Variants in JPH3 observed in about 807,000 individuals in gnomAD.
JPH3 encodes junctophilin 3, also known as junctophilin-3.
Under a neutral mutation model 59.6 loss-of-function variants are expected in JPH3, and 11 were observed. The ratio of observed to expected loss-of-function variants is 0.18; its 90% CI spans 0.12 to 0.31. The LOEUF is 0.31. Among genes scored for constraint, JPH3 ranks in the 10% least tolerant of loss-of-function variants. The probability of loss-of-function intolerance (pLI) is 1.00; values close to 1 mark genes in which losing one functional copy is unlikely to be tolerated. For synonymous variants in JPH3, 673 were observed against 483.6 expected (o/e 1.39, Z -5.14); for missense variants, 1,202 against 1,105.7 (o/e 1.09, Z -1.24).
At chr16:87,622,674 G>C (rs1567585878) in intron 1 of JPH3, among the ~76,000 whole-genome samples, 1 of 149,138 alleles carries the variant, frequency 6.7e-6, no homozygotes, top group African/African-American at 2.4e-5. Flanking sequence ...TGCAGGAGGA[G>C]CTGAGGGTGC....
At chr16:87,656,614 G>A (rs567631798) in intron 2 of JPH3, among the ~76,000 whole-genome samples, 4 of 152,304 alleles carry the variant, frequency 2.6e-5, no homozygotes, top group South Asian at 4.1e-4. Flanking sequence ...GGGAACATTC[G>A]AGGCCCTGGC....
chr16:87,645,033 C>T lies in JPH3; in HGVS notation c.1158C>T (p.Ser386=). ...IAKQKAEIAA[S]RTSHSRAKAE... ...AGCAGAAGGCTGAGATCGCGGCTTC[C>T]AGGTAGGAGGGCGAGGGGGCGGGGG... The change falls in exon 2 of 5, where the codon TCC becomes TCT. Residue 386 remains serine, a splice_region_variant and synonymous_variant. Transcript: ENST00000284262. 6.2e-7 allele frequency: 1 copy of T among 1,600,704 alleles called. No homozygotes were observed.
chr16:87,666,381 G>A (rs915392945), intron 2 of JPH3, among the ~76,000 whole-genome samples: 4 of 143,782 alleles, frequency 2.8e-5, no homozygotes, highest in South Asian at 2.4e-4. Flanking sequence ...GAGCCACCGC[G>A]CCTGGCCTAT....
In JPH3 at chr16:87,698,032, C is replaced by A. The variant is rs1177530675; in HGVS notation, c.*1372C>A. The A allele has an allele frequency of 1.3e-5, 2 of 152,656 alleles. No homozygotes were observed. Among genetic ancestry groups the A allele is most frequent in the Non-Finnish European group, 2.9e-5 (2 of 68,056 alleles). 9.5% of individuals were successfully genotyped at this position (152,656 alleles called of 1,614,324 possible). ...GGGCCAGCCCGTCTTATGGACTCTG[C>A]CTTGCTTTGCTTATGTTTAGCTGTT... is the stretch of plus-strand genomic sequence containing the variant. On this transcript the variant is annotated 3_prime_UTR_variant, in exon 5 of 5. Coordinates refer to ENST00000284262, the MANE Select transcript of JPH3 (RefSeq NM_020655.4).
At chr16:87,674,070 C>G in intron 2 of JPH3, among the ~76,000 whole-genome samples, 1 of 149,786 alleles carries the variant, frequency 6.7e-6, no homozygotes, top group Admixed American at 6.7e-5. Context: ...CGCAGTGGCT[C>G]ACGCCTGTAA....
chr16:87,659,374 C>CAAAAAAAAAAAAA lies in JPH3; in HGVS notation c.1160+14351_1160+14352insAAAAAAAAAAAAA, dbSNP rs1354448370. Among the ~76,000 whole-genome samples, 63 of 74,522 alleles carry CAAAAAAAAAAAAA rather than the reference C, an allele frequency of 8.5e-4. 3 individuals carry two copies. Among genetic ancestry groups the CAAAAAAAAAAAAA allele is most frequent in the African/African-American group, 2.4e-3 (38 of 16,132 alleles). 48.9% of individuals were successfully genotyped at this position (74,522 alleles called of 152,430 possible). On this transcript the variant is annotated intron_variant, in intron 2 of 4. Coordinates refer to ENST00000284262, the MANE Select transcript of JPH3 (RefSeq NM_020655.4). ...CCTGGGTGACAGAGTAAGACTGTCT[C>CAAAAAAAAAAAAA]AAAAAAAAAAAAGAAAAAAAAAAAG... is the stretch of plus-strand genomic sequence containing the variant.
intron 2 of JPH3, among the ~76,000 whole-genome samples, chr16:87,661,502 T>TG (rs1597272374): frequency 6.6e-6 from 1 of 152,158 alleles, no homozygotes; most frequent in African/African-American, 2.4e-5. Flanking sequence ...GGCTGGACTT[T>TG]GGGGGTCCAG....
rs560094829 is a variant in JPH3 at position 87,681,990 on chromosome 16, C to T, written c.1161-2152C>T. Among the ~76,000 whole-genome samples the T allele has an allele frequency of 4.6e-5, 7 of 152,176 alleles. 1 individual carries two copies. The highest frequency in any genetic ancestry group is 1.7e-4 in the African/African-American group (7 of 41,520). Reference sequence around the variant, plus strand: ...AAAGCTGTGGACCCTCTGCTTGTGGCGGGGGGTCATGCAGAAAACTTTGAG... The same window carrying T: ...AAAGCTGTGGACCCTCTGCTTGTGGTGGGGGGTCATGCAGAAAACTTTGAG... On this transcript the variant is annotated intron_variant, in intron 2 of 4. Transcript: ENST00000284262.
intron 2 of JPH3, among the ~76,000 whole-genome samples, chr16:87,677,185 T>TATATATAC (rs1491266129): frequency 3.2e-5 from 3 of 95,158 alleles, no homozygotes; most frequent in African/African-American, 1.4e-4. Context: ...TATATATATA[T>TATATATAC]ACACACACAC....
chr16:87,684,047 C>T (rs557067294), intron 2 of JPH3, 95 bp from the exon 3 acceptor site: 5 of 854,960 alleles, frequency 5.8e-6, no homozygotes, highest in Non-Finnish European at 7.6e-6. Flanking sequence ...TGTCTTAGCC[C>T]AGCCCGTTGT....
At chr16:87,638,082 G>A (rs2031817103) in intron 1 of JPH3, among the ~76,000 whole-genome samples, 1 of 152,070 alleles carries the variant, frequency 6.6e-6, no homozygotes, top group African/African-American at 2.4e-5. Context: ...ACCATGCCCT[G>A]CTAATTTTTA....
Position 87,697,042 on chromosome 16 carries a change from C to G in JPH3, c.*382C>G, listed in dbSNP as rs541416282. On this transcript the variant is annotated 3_prime_UTR_variant, in exon 5 of 5. Coordinates refer to ENST00000284262, the MANE Select transcript of JPH3 (RefSeq NM_020655.4). ...AGGGCAGCCCGGGGCAGAGCCTCAG[C>G]CCCGCGGCCCCTGAGTGGCAGGGCT... The G allele has an allele frequency of 1.7e-4, 48 of 279,796 alleles. No homozygotes were observed. In the East Asian group the frequency reaches 4.0e-3, roughly 24 times the overall value. The allele number at this position is 279,796 out of a possible 1,614,324, so 17.3% of individuals were successfully genotyped here.
At chr16:87,659,783 A>G (rs2050793247) in intron 2 of JPH3, among the ~76,000 whole-genome samples, 1 of 152,130 alleles carries the variant, frequency 6.6e-6, no homozygotes. Context: ...CGTAAGTGGC[A>G]TTAAGCATGT....
chr16:87,643,645 G>A (rs558188863), intron 1 of JPH3, among the ~76,000 whole-genome samples: 4 of 152,278 alleles, frequency 2.6e-5, no homozygotes, highest in South Asian at 2.1e-4. Context: ...CAGGGGCTCC[G>A]TATTCACTCT....
rs765608904 is a variant in JPH3, at chr16:87,644,619, G to A, written c.744G>A (p.Ala248=). The change falls in exon 2 of 5, where the codon GCG becomes GCA. Residue 248 remains alanine, a synonymous_variant. Transcript: ENST00000284262. Reference sequence around the variant, plus strand: ...AGCAGAGCTCCTTTCGCAGCGAGGCGGGCATGAGCACCGTCAGCTCCACGG... The same window carrying A: ...AGCAGAGCTCCTTTCGCAGCGAGGCAGGCATGAGCACCGTCAGCTCCACGG... ...RSKQSSFRSE[A]GMSTVSSTAS... is the part of the protein sequence containing the mutation. The A allele has an allele frequency of 1.4e-5, 22 of 1,612,394 alleles. No individual in the cohort carries two copies. The highest frequency in any genetic ancestry group is 4.4e-5 in the South Asian group (4 of 91,082).
At chr16:87,653,980 G>C (rs2032409835) in intron 2 of JPH3, 1 of 152,260 alleles carries the variant, frequency 6.6e-6, no homozygotes, top group African/African-American at 2.4e-5. Context: ...CAGAATGGCA[G>C]AGTGGCAGTC....
In JPH3 at chr16:87,602,577, A is replaced by C. The variant is rs1304698145; in HGVS notation, c.-570A>C. The stretch of plus-strand genomic sequence containing the variant: ...CCGCCGCCGCCGCCCGAGCCGCCGC[A>C]TTGCTGCTGCTGCTGCCGCCGCCGC... On this transcript the variant is annotated 5_prime_UTR_variant, in exon 1 of 5. Transcript: ENST00000284262. Among the ~76,000 whole-genome samples the C allele has an allele frequency of 1.5e-5, 2 of 132,570 alleles. No homozygotes were observed. The highest frequency in any genetic ancestry group is 3.3e-5 in the Non-Finnish European group (2 of 61,126). The allele number at this position is 132,570 out of a possible 152,430, so 87.0% of individuals were successfully genotyped here.
chr16:87,661,996 A>G (rs2032719636), intron 2 of JPH3, among the ~76,000 whole-genome samples: 1 of 152,186 alleles, frequency 6.6e-6, no homozygotes. Context: ...TTAGTATGTT[A>G]ATTCAGGCGG....
chr16:87,622,111 C>G (rs1339979203), intron 1 of JPH3, among the ~76,000 whole-genome samples: 2 of 152,100 alleles, frequency 1.3e-5, no homozygotes, highest in African/African-American at 4.8e-5. Context: ...GGGGGGGGCC[C>G]CTTTGGGGTG....
Sources: allele counts gnomAD v4.1 joint callset (sites outside exome capture counted in the v4.1 genomes callset), GRCh38; gene constraint gnomAD v4.1.1; transcripts MANE v1.5; gene names NCBI Gene and HGNC (gene_info 2026-07-23, HGNC 2026-07-21).